SLCO1C1: variants seen among roughly 807,000 people sequenced by gnomAD.
SLCO1C1 encodes the protein solute carrier organic anion transporter family member 1C1, also known as OAT-RP-5.
A neutral mutation model predicts 76.4 loss-of-function variants in SLCO1C1; 70 were observed. The observed-to-expected ratio is 0.92, with a 90% CI of 0.76 to 1.12. The LOEUF (loss-of-function observed/expected upper bound fraction) is 1.12. Among genes scored for constraint, SLCO1C1 ranks in the 50% most tolerant of loss-of-function variants. The pLI is 0.00. For synonymous variants in SLCO1C1, 306 were observed against 286.1 expected (o/e 1.07, Z -0.70); for missense variants, 912 against 823.8 (o/e 1.11, Z -1.31).
At position 20,752,388 on chromosome 12, in the gene SLCO1C1, A is replaced by T. The variant is rs141703544; in HGVS notation, c.1999A>T (p.Asn667Tyr). 6.1e-5 allele frequency: 99 copies of T among 1,613,346 alleles called. No individual in the cohort carries two copies. The highest frequency in any genetic ancestry group is 7.9e-5 in the Non-Finnish European group (93 of 1,179,600). The change falls in exon 15 of 15, where the codon AAT becomes TAT. Residue 667 changes from asparagine (N) to tyrosine (Y), a missense_variant. Asn to Tyr is a moderately radical substitution (Grantham distance 143). Transcript: ENST00000266509. Reference protein sequence around the residue: ...SIAVLFILKKNYVSKHRSFIT... With the variant: ...SIAVLFILKKYYVSKHRSFIT... ...TGCAGTACTTTTCATTTTAAAGAAA[A>T]ATTATGTTTCAAAACACAGAAGTTT...
At chr12:20,709,935 ACAG>A (rs1946987507) in intron 4 of SLCO1C1, among the ~76,000 whole-genome samples, 1 of 150,420 alleles carries the variant, frequency 6.6e-6, no homozygotes, top group African/African-American at 2.5e-5. Context: ...AGAATTGAAA[ACAG>A]TTAACCTCAT....
chr12:20,743,235 T>C (rs1199610259), intron 12 of SLCO1C1, 70 bp from the exon 13 acceptor site: 1 of 1,407,010 alleles, frequency 7.1e-7, no homozygotes, highest in Non-Finnish European at 1.0e-6. Flanking sequence ...GTTAGGCAGA[T>C]TATCCTTCAA....
rs761775674 is a variant in SLCO1C1, at chr12:20,733,101, A to G, written c.1379A>G (p.Gln460Arg). 4.5e-6 allele frequency: 7 copies of G among 1,571,270 alleles called. No individual in the cohort carries two copies. The highest frequency in any genetic ancestry group is 6.0e-6 in the Non-Finnish European group (7 of 1,162,952). ...GTGGCAGGACTAACTGTCTCCTACC[A>G]AGGGTATGTTCCCTCATTAAATAGT... is the stretch of plus-strand genomic sequence containing the variant. The part of the protein sequence containing the change: ...SDVAGLTVSY[Q>R]GTKPVSYHER... Residue 460 changes from glutamine to arginine, a missense_variant, in exon 10 of 15, where the codon CAA (glutamine) becomes CGA (arginine). Physicochemically the swap from Gln to Arg is conservative, Grantham distance 43. Transcript: ENST00000266509.
intron 14 of SLCO1C1, 88 bp downstream of exon 14, chr12:20,750,880 T>C: frequency 6.2e-7 from 1 of 1,613,338 alleles, no homozygotes; most frequent in Non-Finnish European, 8.5e-7. Context: ...TTTCATGTCA[T>C]TTCACTGCTT....
rs1280811919 is a variant in SLCO1C1 at position 20,743,169 on chromosome 12, G to T, written c.1734-136G>T. ...TACGTATTTTGCCCTCCCTATGTTAGCACACCAATGGGTTCAACATAAATG... is the reference window on the plus strand; with the variant it reads ...TACGTATTTTGCCCTCCCTATGTTATCACACCAATGGGTTCAACATAAATG... On this transcript the variant is annotated intron_variant, in intron 12 of 14. Coordinates refer to ENST00000266509, the MANE Select transcript of SLCO1C1 (RefSeq NM_017435.5). 3 of 708,966 alleles carry T rather than the reference G, an allele frequency of 4.2e-6. No homozygotes were observed. The Admixed American group carries it at 7.2e-5, about 17-fold the overall frequency. The allele number at this position is 708,966 out of a possible 1,614,324, so 43.9% of individuals were successfully genotyped here. A position where few individuals can be genotyped will look rare whatever the true frequency, so the allele number is the denominator to read the frequency against.
intron 9 of SLCO1C1, among the ~76,000 whole-genome samples, chr12:20,724,671 T>G (rs1260380357): frequency 1.3e-5 from 2 of 148,482 alleles, no homozygotes; most frequent in African/African-American, 4.9e-5. Flanking sequence ...TTTTTTCAAC[T>G]GAAGTGAAAT....
chr12:20,717,314 G>A, intron 7 of SLCO1C1, 84 bp downstream of exon 7: 1 of 1,095,848 alleles, frequency 9.1e-7, no homozygotes, highest in Non-Finnish European at 1.3e-6. Flanking sequence ...TTATCAAATT[G>A]CCTTTTTATA....
At chr12:20,727,650 C>CA (rs1948083299) in intron 9 of SLCO1C1, among the ~76,000 whole-genome samples, 2 of 152,216 alleles carry the variant, frequency 1.3e-5, no homozygotes, top group Admixed American at 6.5e-5. Context: ...GCTGGGACTA[C>CA]AGGCGCCCGC....
rs1448961114 is a variant in SLCO1C1, at chr12:20,750,704, G to A, written c.1828G>A (p.Val610Ile). The change falls in exon 14 of 15, where the codon GTT (valine) becomes ATT (isoleucine). Residue 610 changes from valine (V) to isoleucine (I), a missense_variant. Coordinates refer to ENST00000266509, the MANE Select transcript of SLCO1C1 (RefSeq NM_017435.5). Reference sequence around the variant, plus strand: ...AATCCCAGCTCCAGTGTATTTTGGAGTTTTGATTGATACTTCATGCCTCAA... The same window carrying A: ...AATCCCAGCTCCAGTGTATTTTGGAATTTTGATTGATACTTCATGCCTCAA... The part of the protein sequence containing the change: ...AGIPAPVYFG[V>I]LIDTSCLKWG... 2.5e-6 allele frequency: 4 copies of A among 1,613,986 alleles called. No homozygotes were observed. The South Asian group carries it at 4.4e-5, about 18-fold the overall frequency.
In SLCO1C1 at chr12:20,749,155, T is replaced by A. The variant is rs115984651; in HGVS notation, c.1799-1520T>A. Among the ~76,000 whole-genome samples the A allele has an allele frequency of 1.5e-3, 234 of 152,344 alleles. 1 individual carries two copies. Among genetic ancestry groups the A allele is most frequent in the African/African-American group, 5.6e-3 (231 of 41,576 alleles). The stretch of plus-strand genomic sequence containing the variant: ...GTTTTCAAAGAACAAATGGATAATC[T>A]CTGAAATTTAGAAGTGTCATAAATA... On this transcript the variant is annotated intron_variant, in intron 13 of 14. Coordinates refer to ENST00000266509, the MANE Select transcript of SLCO1C1 (RefSeq NM_017435.5).
chr12:20,735,389 G>C (rs1302798592), intron 10 of SLCO1C1, among the ~76,000 whole-genome samples: 1 of 152,154 alleles, frequency 6.6e-6, no homozygotes, highest in Non-Finnish European at 1.5e-5. Flanking sequence ...CACCCACGTA[G>C]GGGCTGACTT....
intron 12 of SLCO1C1, among the ~76,000 whole-genome samples, chr12:20,740,783 T>TATATATATATA (rs1406774430): frequency 0.043 from 2,292 of 53,368 alleles, 412 homozygotes; most frequent in Middle Eastern, 0.074. Context: ...AGAATTTATT[T>TATATATATATA]TATTTATATA....
At chr12:20,729,731 A>G (rs1210321823) in intron 9 of SLCO1C1, among the ~76,000 whole-genome samples, 1 of 151,684 alleles carries the variant, frequency 6.6e-6, no homozygotes, top group Non-Finnish European at 1.5e-5. Flanking sequence ...CAAGCAGAAG[A>G]TGATGATACC....
At position 20,706,117 on chromosome 12, in the gene SLCO1C1, C is replaced by T. The variant is rs180791246; in HGVS notation, c.404+36C>T. 3.7e-5 allele frequency: 57 copies of T among 1,558,962 alleles called. No homozygotes were observed. The African/African-American group carries it at 6.8e-4, about 18-fold the overall frequency. ...AGCAATCATCTTTTCCTTGCCTTTC[C>T]AAACAACTGCATTTCTCCCTTTTAT... is the stretch of plus-strand genomic sequence containing the variant. On this transcript the variant is annotated intron_variant, in intron 4 of 14. Coordinates refer to ENST00000266509, the MANE Select transcript of SLCO1C1 (RefSeq NM_017435.5).
At chr12:20,734,065 C>T (rs1482266300) in intron 10 of SLCO1C1, among the ~76,000 whole-genome samples, 1 of 152,208 alleles carries the variant, frequency 6.6e-6, no homozygotes, top group African/African-American at 2.4e-5. Context: ...AAAGCAAACA[C>T]TCCTGACACT....
intron 2 of SLCO1C1, chr12:20,700,323 G>T (rs1946461979): frequency 6.6e-6 from 1 of 151,758 alleles, no homozygotes; most frequent in Non-Finnish European, 1.5e-5. Flanking sequence ...TAGTGATGTT[G>T]AGCACCTTTT....
At chr12:20,721,665 T>TAA (rs34902740) in intron 7 of SLCO1C1, 139 bp from the exon 8 acceptor site, 68 of 985,332 alleles carry the variant, frequency 6.9e-5, no homozygotes, top group Non-Finnish European at 8.1e-5. Flanking sequence ...AAGATCCAGA[T>TAA]AAAAAAAAAA....
At chr12:20,750,853 C>G (rs1949268797) in intron 14 of SLCO1C1, 61 bp downstream of exon 14, 2 of 1,613,874 alleles carry the variant, frequency 1.2e-6, no homozygotes, top group East Asian at 4.5e-5. Context: ...TACACAATGC[C>G]ACTGACACTA....
intron 11 of SLCO1C1, 41 bp downstream of exon 11, chr12:20,737,313 A>T: frequency 6.6e-7 from 1 of 1,522,398 alleles, no homozygotes; most frequent in Non-Finnish European, 8.7e-7. Flanking sequence ...TGGTCCTGTT[A>T]CAATATAAAC....
Sources: allele counts gnomAD v4.1 joint callset (sites outside exome capture counted in the v4.1 genomes callset), GRCh38; gene constraint gnomAD v4.1.1; transcripts MANE v1.5; gene names NCBI Gene and HGNC (gene_info 2026-07-23, HGNC 2026-07-21).